The following PXDNL variants were observed in gnomAD, a reference collection of about 807,000 sequenced individuals.
PXDNL encodes probable oxidoreductase PXDNL.
In PXDNL, 145 loss-of-function variants were observed where a neutral mutation model predicts 150.8. The observed-to-expected ratio is 0.96, with a 90% confidence interval of 0.84 to 1.10. PXDNL has a LOEUF of 1.10. PXDNL is among the 50% of genes least tolerant of loss of function. The probability of loss-of-function intolerance (pLI) is 0.00; values close to 1 mark genes in which losing one functional copy is unlikely to be tolerated. For synonymous variants in PXDNL, 757 were observed against 725.7 expected (o/e 1.04, Z -0.69); for missense variants, 2,087 against 1,873.9 (o/e 1.11, Z -2.10).
Position 51,426,664 on chromosome 8 carries a change from G to T in PXDNL, c.1620C>A (p.Pro540=). ...ISCHAQGEPQ[P]IITWNKEGVQ... ...ATCTTACCTTATTCCAAGTAATTAT[G>T]GGCTGTGGTTCTCCTTGAGCATGAC... The change falls in exon 13 of 23, where the codon CCC becomes CCA. Residue 540 remains proline, a synonymous_variant. Coordinates refer to ENST00000356297, the MANE Select transcript of PXDNL (RefSeq NM_144651.5). 1 of 1,592,422 alleles carries T rather than the reference G, an allele frequency of 6.3e-7. No individual in the cohort carries two copies. Among genetic ancestry groups the T allele is most frequent in the Non-Finnish European group, 8.6e-7 (1 of 1,162,782 alleles).
intron 1 of PXDNL, 55 bp downstream of exon 1, chr8:51,809,126 G>C: frequency 6.3e-7 from 1 of 1,576,800 alleles, no homozygotes. Context: ...GGTCCTAGCA[G>C]AGAAGCAATG....
chr8:51,343,498 A>T (rs1181058584), intron 20 of PXDNL, among the ~76,000 whole-genome samples: 1 of 152,248 alleles, frequency 6.6e-6, no homozygotes, highest in African/African-American at 2.4e-5. Context: ...GCAGGAGGCT[A>T]AAAATAAAAT....
chr8:51,682,946 G>A (rs1815785062), intron 1 of PXDNL, among the ~76,000 whole-genome samples: 1 of 151,698 alleles, frequency 6.6e-6, no homozygotes, highest in Non-Finnish European at 1.5e-5. Context: ...CTACAATTAA[G>A]GAACGACCAG....
chr8:51,564,679 T>C (rs1812780399), intron 3 of PXDNL, among the ~76,000 whole-genome samples: 1 of 151,774 alleles, frequency 6.6e-6, no homozygotes, highest in Non-Finnish European at 1.5e-5. Context: ...TTCCTTCTTT[T>C]AAGAAGAATA....
chr8:51,555,969 G>GAGAGAGAC, intron 4 of PXDNL, among the ~76,000 whole-genome samples: 1 of 152,186 alleles, frequency 6.6e-6, no homozygotes, highest in East Asian at 1.9e-4. Context: ...GTCAGTTTGA[G>GAGAGAGAC]TTGTAATAAT....
intron 8 of PXDNL, among the ~76,000 whole-genome samples, chr8:51,471,139 C>CAAAAAAAAAAAAAAAAAATAA (rs5891416): frequency 8.8e-6 from 1 of 113,020 alleles, no homozygotes; most frequent in Non-Finnish European, 1.8e-5. Context: ...AACAAATTTA[C>CAAAAAAAAAAAAAAAAAATAA]AAAAAAAAAA....
At chr8:51,802,204 A>G (rs1019813799) in intron 1 of PXDNL, among the ~76,000 whole-genome samples, 1 of 151,958 alleles carries the variant, frequency 6.6e-6, no homozygotes, top group South Asian at 2.1e-4. Context: ...ATGCATGCAT[A>G]AAACAGTCAG....
chr8:51,502,652 A>G lies in PXDNL; in HGVS notation c.381-2882T>C, dbSNP rs1194151942. 4.1e-5 allele frequency among the ~76,000 whole-genome samples: 6 copies of G among 146,926 alleles called. No individual in the cohort carries two copies. The South Asian group carries it at 6.6e-4, about 16-fold the overall frequency. ...AAGGGAGTATTCTAGCTTATGTATA[A>G]GCCCAGTAGAAGTGTTTTTTTTTTT... On this transcript the variant is annotated intron_variant, in intron 4 of 22. Coordinates refer to ENST00000356297, the MANE Select transcript of PXDNL (RefSeq NM_144651.5).
chr8:51,628,408 T>C (rs1814412017), intron 2 of PXDNL, among the ~76,000 whole-genome samples: 1 of 121,290 alleles, frequency 8.2e-6, no homozygotes, highest in South Asian at 3.0e-4. Flanking sequence ...TCTTTTTTTT[T>C]TTTTTTTTTT....
At chr8:51,551,858 C>A (rs1408330224) in intron 4 of PXDNL, among the ~76,000 whole-genome samples, 2 of 152,132 alleles carry the variant, frequency 1.3e-5, no homozygotes, top group Non-Finnish European at 2.9e-5. Flanking sequence ...CTCTGCCCTG[C>A]AAAAGAAGCA....
chr8:51,543,004 T>G (rs1220949088), intron 4 of PXDNL, among the ~76,000 whole-genome samples: 1 of 151,858 alleles, frequency 6.6e-6, no homozygotes, highest in African/African-American at 2.4e-5. Context: ...ATAATTAATA[T>G]GGTAACAAAG....
intron 14 of PXDNL, among the ~76,000 whole-genome samples, chr8:51,422,285 G>A (rs1783102084): frequency 6.6e-6 from 1 of 152,072 alleles, no homozygotes; most frequent in Non-Finnish European, 1.5e-5. Flanking sequence ...TAAATGTAAT[G>A]CACTTGAATC....
At chr8:51,392,093 T>C (rs1329701783) in intron 17 of PXDNL, among the ~76,000 whole-genome samples, 2 of 152,222 alleles carry the variant, frequency 1.3e-5, no homozygotes, top group Non-Finnish European at 2.9e-5. Context: ...GTTCCATTGA[T>C]CTATATCTCT....
In PXDNL at chr8:51,506,538, CT is replaced by C. The variant is rs1376758684; in HGVS notation, c.381-6769del. On this transcript the variant is annotated intron_variant, in intron 4 of 22. Coordinates refer to ENST00000356297, the MANE Select transcript of PXDNL (RefSeq NM_144651.5). Reference sequence around the variant, plus strand: ...CCTGGGTGACAGAGTGAGACTCTGTCTCAAAAAAAAAAAAAAAAAAAAAAAA... The same window carrying C: ...CCTGGGTGACAGAGTGAGACTCTGTCCAAAAAAAAAAAAAAAAAAAAAAAA... Among the ~76,000 whole-genome samples, 7 of 45,374 alleles carry C rather than the reference CT, an allele frequency of 1.5e-4. No individual in the cohort carries two copies. The East Asian group carries it at 3.6e-3, about 23-fold the overall frequency. 29.8% of individuals were successfully genotyped at this position (45,374 alleles called of 152,430 possible).
intron 21 of PXDNL, among the ~76,000 whole-genome samples, chr8:51,337,063 G>A (rs1805850081): frequency 6.6e-6 from 1 of 152,146 alleles, no homozygotes. Context: ...ATTAACAGTG[G>A]AATGGAAGAG....
rs1816516818 is a variant in PXDNL at position 51,712,172 on chromosome 8, T to C, written c.165-57412A>G. Among the ~76,000 whole-genome samples, 3 of 152,202 alleles carry C rather than the reference T, an allele frequency of 2.0e-5. No individual in the cohort carries two copies. The South Asian group carries it at 6.2e-4, about 32-fold the overall frequency. ...GGTGTGGTAACATGGTAAGTTTCAG[T>C]TCTTTGATTTTTTTTTTCTTTTTTG... is the stretch of plus-strand genomic sequence containing the variant. On this transcript the variant is annotated intron_variant, in intron 1 of 22. Transcript: ENST00000356297.
chr8:51,772,237 TAC>T (rs139112734), intron 1 of PXDNL, among the ~76,000 whole-genome samples: 268 of 129,880 alleles, frequency 2.1e-3, no homozygotes, highest in Middle Eastern at 4.0e-3. Context: ...TCTCTCTATA[TAC>T]ACACACACAC....
chr8:51,415,184 A>G (rs1441605799), intron 14 of PXDNL, among the ~76,000 whole-genome samples: 1 of 152,174 alleles, frequency 6.6e-6, no homozygotes, highest in Non-Finnish European at 1.5e-5. Context: ...TATGTATGAG[A>G]ATGTTTATTG....
intron 1 of PXDNL, among the ~76,000 whole-genome samples, chr8:51,670,434 G>A (rs1249004432): frequency 6.6e-6 from 1 of 152,140 alleles, no homozygotes; most frequent in East Asian, 1.9e-4. Context: ...AAACTATATA[G>A]TGTATAGGGT....
Sources: gnomAD v4.1 joint callset for allele counts (sites outside exome capture counted in the v4.1 genomes callset) on GRCh38, gnomAD v4.1.1 for gene constraint, MANE v1.5 for transcripts, NCBI Gene and HGNC (gene_info 2026-07-23, HGNC 2026-07-21) for gene names.